Variants in PLB1 observed in about 807,000 individuals in gnomAD.
PLB1 encodes the protein phospholipase B1, also known as phospholipase B1, membrane-associated.
In PLB1, 242 loss-of-function variants were observed where a neutral mutation model predicts 227.4. The observed-to-expected ratio is 1.06, with a 90% CI of 0.96 to 1.18. PLB1 has a LOEUF of 1.18. PLB1 is among the 50% of genes most tolerant of loss of function. The pLI is 0.00. For synonymous variants in PLB1, 757 were observed against 682.2 expected, an observed-to-expected ratio of 1.11 and a Z score of -1.71; for missense variants, 1,858 against 1,816.3, an observed-to-expected ratio of 1.02 and a Z score of -0.42.
At chr2:28,614,303 C>T (rs1230904176) in intron 44 of PLB1, among the ~76,000 whole-genome samples, 24 of 152,220 alleles carry the variant, frequency 1.6e-4, no homozygotes, top group Admixed American at 1.0e-3. Flanking sequence ...TGACGTCAGC[C>T]CCCAAGCAGA....
At chr2:28,558,410 G>T (rs1675496351) in intron 17 of PLB1, among the ~76,000 whole-genome samples, 1 of 152,138 alleles carries the variant, frequency 6.6e-6, no homozygotes, top group African/African-American at 2.4e-5. Flanking sequence ...GTTATCACCA[G>T]AAGCTAAAAT....
In PLB1 at chr2:28,577,990, CCTGCAGGA is replaced by C. The variant is rs1236701146; in HGVS notation, c.1434-116_1434-109del. 8 of 949,564 alleles carry C rather than the reference CCTGCAGGA, an allele frequency of 8.4e-6. No individual in the cohort carries two copies. The African/African-American group carries it at 1.3e-4, about 15-fold the overall frequency. The allele number at this position is 949,564 out of a possible 1,614,324, so 58.8% of individuals were successfully genotyped here. ...TGCGACACGGCCTTCAGTCCATTTT[CCTGCAGGA>C]GGCCCACCCTGGGCCTTCCTCCACC... is the stretch of plus-strand genomic sequence containing the variant. On this transcript the variant is annotated intron_variant, in intron 21 of 57. Coordinates refer to ENST00000327757, the MANE Select transcript of PLB1 (RefSeq NM_153021.5).
At chr2:28,525,219 C>G in intron 4 of PLB1, 48 bp from the exon 5 acceptor site, 1 of 1,586,706 alleles carries the variant, frequency 6.3e-7, no homozygotes, top group South Asian at 1.1e-5. Flanking sequence ...CTAGAAGAGG[C>G]TCTGCCACCT....
At position 28,620,608 on chromosome 2, in the gene PLB1, G is replaced by C. The variant is rs1401449572; in HGVS notation, c.3392G>C (p.Gly1131Ala). The C allele has an allele frequency of 1.9e-6, 3 of 1,613,650 alleles. No homozygotes were observed. Among genetic ancestry groups the C allele is most frequent in the African/African-American group, 1.3e-5 (1 of 74,892 alleles). The stretch of plus-strand genomic sequence containing the variant: ...TGCTTTCTCCTCCCCAGCATTGGAG[G>C]GGATGGGAACTTGGAGACTCACACC... ...SWRGLSWSIG[G>A]DGNLETHTTL... The change falls in exon 48 of 58, where the codon GGG becomes GCG. Residue 1131 changes from glycine to alanine, a missense_variant. Physicochemically the swap from Gly to Ala is moderately conservative, Grantham distance 60. Transcript: ENST00000327757.
chr2:28,598,539 A>T, intron 34 of PLB1, 113 bp from the exon 35 acceptor site: 1 of 783,522 alleles, frequency 1.3e-6, no homozygotes, highest in Admixed American at 2.0e-5. Context: ...CTCCCCAGGA[A>T]GCATGAGGAT....
At chr2:28,525,868 T>A (rs778265877) in intron 5 of PLB1, 37 bp from the exon 6 acceptor site, 1 of 1,612,324 alleles carries the variant, frequency 6.2e-7, no homozygotes. Flanking sequence ...GTGACACAAA[T>A]GCAGCCTGAC....
intron 17 of PLB1, among the ~76,000 whole-genome samples, chr2:28,561,124 C>T (rs898744468): frequency 7.9e-5 from 12 of 152,246 alleles, no homozygotes; most frequent in African/African-American, 2.4e-4. Context: ...CACTTCACAC[C>T]TCTTTTAGTG....
At position 28,625,044 on chromosome 2, in the gene PLB1, A is replaced by G; in HGVS notation, c.3528-13A>G. 1.2e-6 allele frequency: 2 copies of G among 1,611,740 alleles called. No individual in the cohort carries two copies. Among genetic ancestry groups the G allele is most frequent in the Non-Finnish European group, 1.7e-6 (2 of 1,178,892 alleles). On this transcript the variant is annotated splice_polypyrimidine_tract_variant and intron_variant, in intron 49 of 57. Coordinates refer to ENST00000327757, the MANE Select transcript of PLB1 (RefSeq NM_153021.5). ...AGCCGGCACTAACGCCCCTCTCTCT[A>G]CCCCCCACCTAGGGACATGCCAGCC... is the stretch of plus-strand genomic sequence containing the variant.
intron 14 of PLB1, among the ~76,000 whole-genome samples, chr2:28,547,109 G>A (rs1673384098): frequency 6.7e-6 from 1 of 150,100 alleles, no homozygotes; most frequent in East Asian, 2.0e-4. Context: ...GCTGAGGTGG[G>A]AGAATCACCG....
At chr2:28,611,674 A>G (rs1201888465) in intron 43 of PLB1, among the ~76,000 whole-genome samples, 4 of 152,152 alleles carry the variant, frequency 2.6e-5, no homozygotes, top group African/African-American at 4.8e-5. Flanking sequence ...TGTTTATAGC[A>G]TGCTCCCAGA....
chr2:28,528,983 T>C (rs1479436488), intron 6 of PLB1, among the ~76,000 whole-genome samples: 1 of 149,350 alleles, frequency 6.7e-6, no homozygotes, highest in Non-Finnish European at 1.5e-5. Flanking sequence ...GGTCTTGCTC[T>C]GTTGCCCAGG....
At chr2:28,589,931 C>T (rs548635504) in intron 28 of PLB1, 74 bp from the exon 29 acceptor site, 4 of 1,456,570 alleles carry the variant, frequency 2.7e-6, no homozygotes. Context: ...CCTCCCGCAC[C>T]CCTGACCTGC....
rs1255979659 is a variant in PLB1, at chr2:28,604,756, G to A, written c.2958G>A (p.Leu986=). ...TCCAGAACATCCAGCTCCCTGTCCT[G>A]GCGGTATGTCCCCTGCCCTCACCCA... is the stretch of plus-strand genomic sequence containing the variant. ...PFFQNIQLPV[L]ADGLPDTSFF... Residue 986 remains leucine, a synonymous_variant, in exon 41 of 58, where the codon CTG becomes CTA. Coordinates refer to ENST00000327757, the MANE Select transcript of PLB1 (RefSeq NM_153021.5). 6.2e-7 allele frequency: 1 copy of A among 1,613,906 alleles called. No homozygotes were observed. Among genetic ancestry groups the A allele is most frequent in the Non-Finnish European group, 8.5e-7 (1 of 1,179,826 alleles).
intron 4 of PLB1, among the ~76,000 whole-genome samples, chr2:28,524,382 C>T (rs191564572): frequency 9.2e-5 from 14 of 152,310 alleles, no homozygotes; most frequent in Non-Finnish European, 1.5e-4. Context: ...CAAGTTACCA[C>T]GGTCTCAAAT....
intron 39 of PLB1, 62 bp from the exon 40 acceptor site, chr2:28,603,904 C>A: frequency 6.6e-7 from 1 of 1,507,420 alleles, no homozygotes; most frequent in Non-Finnish European, 9.2e-7. Context: ...CCTGGGCAAT[C>A]AGAACCAGCC....
intron 1 of PLB1, among the ~76,000 whole-genome samples, chr2:28,513,261 C>A (rs532193913): frequency 1.3e-5 from 2 of 152,294 alleles, no homozygotes; most frequent in Middle Eastern, 3.4e-3. Flanking sequence ...TTGCTTTTGG[C>A]AGGCAGTTAG....
chr2:28,625,776 C>T (rs1040784919), intron 50 of PLB1, among the ~76,000 whole-genome samples: 5 of 152,194 alleles, frequency 3.3e-5, no homozygotes, highest in African/African-American at 9.6e-5. Context: ...CGTGGTAATC[C>T]CCTCGGCATT....
At chr2:28,613,423 C>T in intron 43 of PLB1, among the ~76,000 whole-genome samples, 1 of 152,158 alleles carries the variant, frequency 6.6e-6, no homozygotes, top group Non-Finnish European at 1.5e-5. Context: ...TCTTTGTCTG[C>T]TTCCTTCTTC....
At chr2:28,611,308 T>G (rs1685425807) in intron 43 of PLB1, among the ~76,000 whole-genome samples, 1 of 152,182 alleles carries the variant, frequency 6.6e-6, no homozygotes, top group South Asian at 2.1e-4. Context: ...ATTGTCCAGT[T>G]GCACTCGCAG....
Sources: gnomAD v4.1 joint callset for allele counts (sites outside exome capture counted in the v4.1 genomes callset) on GRCh38, gnomAD v4.1.1 for gene constraint, MANE v1.5 for transcripts, NCBI Gene and HGNC (gene_info 2026-07-23, HGNC 2026-07-21) for gene names.